PLCL2: variants seen among roughly 807,000 people sequenced by gnomAD.
The protein encoded by PLCL2 is phospholipase C like 2.
A neutral mutation model predicts 79.6 loss-of-function variants in PLCL2; 4 were observed. The observed-to-expected ratio is 0.05, with a 90% CI of 0.02 to 0.11. The LOEUF (loss-of-function observed/expected upper bound fraction) is 0.11, where lower values mean the gene tolerates loss of function less well. Ranked by LOEUF, PLCL2 falls within the 10% of genes least tolerant of loss-of-function variation. The pLI, the probability that PLCL2 is intolerant of heterozygous loss-of-function variation, is 1.00. For missense variants in PLCL2, 895 were observed against 1,291.0 expected (o/e 0.69, Z 4.70); for synonymous variants, 484 against 457.7 (o/e 1.06, Z -0.73).
intron 5 of PLCL2, among the ~76,000 whole-genome samples, chr3:17,085,874 A>G (rs2065214882): frequency 6.6e-6 from 1 of 152,256 alleles, no homozygotes. Context: ...TATATGACTT[A>G]TATGAGGAAA....
rs1335252834 is a variant in PLCL2, at chr3:16,970,840, T to G, written c.328-38834T>G. 8.1e-3 allele frequency among the ~76,000 whole-genome samples: 1,182 copies of G among 145,540 alleles called. 15 individuals are homozygous for G. The highest frequency in any genetic ancestry group is 0.031 in the African/African-American group (1,124 of 36,662). The stretch of plus-strand genomic sequence containing the variant: ...ATGGTGAGCATTTTTTCATGTGTCT[T>G]TTGGCTGCATAAATGTCTTCTTTTG... On this transcript the variant is annotated intron_variant, in intron 1 of 5. Transcript: ENST00000615277.
intron 3 of PLCL2, among the ~76,000 whole-genome samples, chr3:17,022,204 A>T (rs1211459424): frequency 6.6e-6 from 1 of 152,344 alleles, no homozygotes; most frequent in East Asian, 1.9e-4. Flanking sequence ...AAGAAAAGTT[A>T]GGGAACTTCT....
At chr3:16,928,949 A>G (rs1697322708) in intron 1 of PLCL2, among the ~76,000 whole-genome samples, 1 of 162 alleles carries the variant, frequency 6.2e-3, no homozygotes, top group Non-Finnish European at 0.014. Context: ...AGTGAGTGGG[A>G]AGTGAAACGT....
chr3:16,938,861 C>T (rs1216080785), intron 1 of PLCL2, among the ~76,000 whole-genome samples: 1 of 152,172 alleles, frequency 6.6e-6, no homozygotes, highest in Non-Finnish European at 1.5e-5. Context: ...AACACTGTTA[C>T]TCCAAAACTA....
rs935727408 is a variant in PLCL2, at chr3:17,047,423, G to A, written c.3094+4474G>A. ...TGTGCACTTTCAGAATGACTGTTAG[G>A]AGGGAGGATCAAACTAAATGAAAGA... On this transcript the variant is annotated intron_variant, in intron 4 of 5. Transcript: ENST00000615277. Among the ~76,000 whole-genome samples, 7 of 152,036 alleles carry A rather than the reference G, an allele frequency of 4.6e-5. No individual in the cohort carries two copies. In the South Asian group the frequency reaches 1.2e-3, roughly 27 times the overall value.
intron 1 of PLCL2, among the ~76,000 whole-genome samples, chr3:16,976,445 C>T (rs2063926810): frequency 6.6e-6 from 1 of 152,158 alleles, no homozygotes; most frequent in Admixed American, 6.5e-5. Flanking sequence ...TAGGAGAAAC[C>T]TGTTTTTGCT....
At chr3:16,902,853 C>CATGT (rs1553633684) in intron 1 of PLCL2, among the ~76,000 whole-genome samples, 9 of 42,250 alleles carry the variant, frequency 2.1e-4, no homozygotes, top group African/African-American at 3.5e-4. Context: ...AAATGCAGTG[C>CATGT]GTGTGTGTGT....
intron 5 of PLCL2, among the ~76,000 whole-genome samples, chr3:17,072,515 A>C (rs2065069446): frequency 6.6e-6 from 1 of 151,982 alleles, no homozygotes; most frequent in African/African-American, 2.4e-5. Flanking sequence ...CTGAAAATAC[A>C]AAAATTAGTT....
intron 3 of PLCL2, among the ~76,000 whole-genome samples, chr3:17,025,352 G>A (rs75679088): frequency 0.028 from 4,330 of 152,220 alleles, 225 homozygotes; most frequent in African/African-American, 0.1. Context: ...AGTGTTACAT[G>A]TCCAGTGGAG....
At chr3:17,055,571 A>G (rs1205898864) in intron 4 of PLCL2, among the ~76,000 whole-genome samples, 1 of 152,208 alleles carries the variant, frequency 6.6e-6, no homozygotes, top group African/African-American at 2.4e-5. Context: ...CAAAGAAAAG[A>G]AGGATTCCCA....
chr3:16,996,899 C>G (rs772889772), intron 1 of PLCL2, among the ~76,000 whole-genome samples: 38 of 152,176 alleles, frequency 2.5e-4, no homozygotes, highest in Middle Eastern at 3.4e-3. Context: ...CCTATCTGTC[C>G]TTGTACTATC....
intron 1 of PLCL2, among the ~76,000 whole-genome samples, chr3:16,924,433 C>A (rs116447543): frequency 6.6e-6 from 1 of 152,106 alleles, no homozygotes; most frequent in Non-Finnish European, 1.5e-5. Context: ...GACAAAATAC[C>A]AGAAACAACT....
chr3:16,889,609 C>G (rs1696301196), intron 1 of PLCL2, among the ~76,000 whole-genome samples: 1 of 152,162 alleles, frequency 6.6e-6, no homozygotes, highest in South Asian at 2.1e-4. Flanking sequence ...AGGAGAAACA[C>G]TTTTACTGTC....
intron 1 of PLCL2, among the ~76,000 whole-genome samples, chr3:16,980,012 G>A (rs2063967283): frequency 6.8e-6 from 1 of 147,778 alleles, no homozygotes; most frequent in African/African-American, 2.5e-5. Flanking sequence ...TGGCCGGGCA[G>A]AGGGGCTCCT....
chr3:17,065,700 C>T (rs2065002815), intron 4 of PLCL2, among the ~76,000 whole-genome samples: 1 of 152,120 alleles, frequency 6.6e-6, no homozygotes, highest in African/African-American at 2.4e-5. Flanking sequence ...AAAATCATTG[C>T]GAAGAGCCCA....
intron 1 of PLCL2, among the ~76,000 whole-genome samples, chr3:16,992,643 T>TCCTGCATA (rs2064116196): frequency 6.6e-6 from 1 of 152,160 alleles, no homozygotes; most frequent in Non-Finnish European, 1.5e-5. Context: ...AAGAGCAGGA[T>TCCTGCATA]CCTGCATAGC....
intron 1 of PLCL2, among the ~76,000 whole-genome samples, chr3:16,933,866 G>A (rs1458624032): frequency 3.3e-5 from 5 of 152,022 alleles, no homozygotes; most frequent in Admixed American, 6.6e-5. Context: ...TCAGGAGTTC[G>A]AGACCAGCTT....
chr3:17,037,988 A>G (rs2064675147), intron 3 of PLCL2, among the ~76,000 whole-genome samples: 1 of 152,184 alleles, frequency 6.6e-6, no homozygotes. Flanking sequence ...TTACACTAAC[A>G]TGGGAGTTAC....
chr3:16,938,045 A>G (rs556207588), intron 1 of PLCL2, among the ~76,000 whole-genome samples: 1 of 152,358 alleles, frequency 6.6e-6, no homozygotes, highest in East Asian at 1.9e-4. Context: ...TTCAAGCATG[A>G]CTACCTGTAT....
Sources: gnomAD v4.1 joint callset for allele counts (sites outside exome capture counted in the v4.1 genomes callset) on GRCh38, gnomAD v4.1.1 for gene constraint, MANE v1.5 for transcripts, NCBI Gene and HGNC (gene_info 2026-07-23, HGNC 2026-07-21) for gene names.